Variants in SLC35D4 observed in about 807,000 individuals in gnomAD.
SLC35D4 encodes UDP-N-acetylglucosamine transporter SLC35D4.
At chr18:23,248,538 TAA>T in the SLC35D4 span, among the ~76,000 whole-genome samples, 8 of 93,610 alleles carry the variant, frequency 8.5e-5, no homozygotes, top group African/African-American at 2.8e-4. Context: ...TTTTTTTTTT[TAA>T]AAAAAGGCTG....
At chr18:23,241,244 C>T in the SLC35D4 span, among the ~76,000 whole-genome samples, 4 of 151,910 alleles carry the variant, frequency 2.6e-5, no homozygotes, top group South Asian at 4.2e-4. Flanking sequence ...GAGTGGGCCA[C>T]GTGCAGTGGA....
the SLC35D4 span, among the ~76,000 whole-genome samples, chr18:23,305,039 T>A: frequency 6.6e-6 from 1 of 152,250 alleles, no homozygotes; most frequent in South Asian, 2.1e-4. Context: ...TATTTCTTAA[T>A]GGTTTCCACA....
the SLC35D4 span, among the ~76,000 whole-genome samples, chr18:23,429,066 C>T: frequency 6.6e-6 from 1 of 152,178 alleles, no homozygotes; most frequent in African/African-American, 2.4e-5. Flanking sequence ...TATATATACA[C>T]CAGATTTTCT....
chr18:23,385,205 C>A, the SLC35D4 span: 9 of 713,576 alleles, frequency 1.3e-5, no homozygotes, highest in African/African-American at 1.6e-4. Context: ...GCAAAGACTT[C>A]TACATGGATT....
chr18:23,414,924 G>A, the SLC35D4 span, among the ~76,000 whole-genome samples: 1 of 152,118 alleles, frequency 6.6e-6, no homozygotes, highest in African/African-American at 2.4e-5. Flanking sequence ...ACCTACCTGG[G>A]CAACATAGTG....
chr18:23,276,968 T>C, the SLC35D4 span, among the ~76,000 whole-genome samples: 13 of 152,348 alleles, frequency 8.5e-5, no homozygotes, highest in East Asian at 9.6e-4. Flanking sequence ...ACCTGTCATC[T>C]AGTGCCATGA....
the SLC35D4 span, chr18:23,370,282 A>G: frequency 1.2e-6 from 2 of 1,612,230 alleles, no homozygotes; most frequent in Non-Finnish European, 1.7e-6. Context: ...AATAAAACAT[A>G]TCACTGGTCA....
chr18:23,418,832 C>A, the SLC35D4 span, among the ~76,000 whole-genome samples: 7 of 151,556 alleles, frequency 4.6e-5, no homozygotes, highest in African/African-American at 1.5e-4. Context: ...GTGGTTAAAC[C>A]CCGTCTCTAC....
At chr18:23,390,010 A>C in the SLC35D4 span, among the ~76,000 whole-genome samples, 2 of 152,220 alleles carry the variant, frequency 1.3e-5, no homozygotes, top group African/African-American at 4.8e-5. Context: ...TTGTTAAATC[A>C]AACAAAAATG....
the SLC35D4 span, among the ~76,000 whole-genome samples, chr18:23,266,218 G>A: frequency 1.3e-5 from 2 of 152,152 alleles, no homozygotes; most frequent in Admixed American, 1.3e-4. Flanking sequence ...AGGTTCCAGA[G>A]CTAGGCAGAC....
chr18:23,304,901 C>A, the SLC35D4 span, among the ~76,000 whole-genome samples: 1 of 152,224 alleles, frequency 6.6e-6, no homozygotes, highest in South Asian at 2.1e-4. Flanking sequence ...CCAAACACTC[C>A]TGGCCTCTCT....
chr18:23,286,892 T>C, the SLC35D4 span, among the ~76,000 whole-genome samples: 2 of 151,648 alleles, frequency 1.3e-5, no homozygotes, highest in East Asian at 3.9e-4. Context: ...CCGCCCTTCT[T>C]CCCAATCCAA....
At chr18:23,403,398 C>T in the SLC35D4 span, among the ~76,000 whole-genome samples, 2 of 152,148 alleles carry the variant, frequency 1.3e-5, no homozygotes, top group Non-Finnish European at 2.9e-5. Context: ...ATATACGTGA[C>T]GTTTGAGAGG....
At chr18:23,418,378 TTATTA>T in the SLC35D4 span, among the ~76,000 whole-genome samples, 1 of 148,838 alleles carries the variant, frequency 6.7e-6, no homozygotes, top group East Asian at 2.0e-4. Flanking sequence ...ATTATTATTA[TTATTA>T]TTTTTTGAGA....
chr18:23,330,645 C>T, the SLC35D4 span, among the ~76,000 whole-genome samples: 1 of 152,212 alleles, frequency 6.6e-6, no homozygotes, highest in Admixed American at 6.5e-5. Flanking sequence ...TGCAGGTGTC[C>T]CTAAGGTGCA....
At chr18:23,347,246 G>T in the SLC35D4 span, among the ~76,000 whole-genome samples, 1 of 151,850 alleles carries the variant, frequency 6.6e-6, no homozygotes, top group South Asian at 2.1e-4. Context: ...TTCCTTATTT[G>T]TTCCTTTCTG....
At chr18:23,265,970 C>A in the SLC35D4 span, among the ~76,000 whole-genome samples, 1 of 152,102 alleles carries the variant, frequency 6.6e-6, no homozygotes, top group East Asian at 1.9e-4. Flanking sequence ...AATCAATTTT[C>A]ATTTTTATTT....
the SLC35D4 span, among the ~76,000 whole-genome samples, chr18:23,418,386 T>TTATTATTATTATTATTA: frequency 1.5e-3 from 174 of 113,702 alleles, no homozygotes; most frequent in African/African-American, 5.2e-3. Context: ...TATTATTATT[T>TTATTATTATTATTATTA]TTTGAGACAG....
At chr18:23,318,476 T>C in the SLC35D4 span, among the ~76,000 whole-genome samples, 1 of 152,232 alleles carries the variant, frequency 6.6e-6, no homozygotes, top group African/African-American at 2.4e-5. Context: ...GTATGTGCCA[T>C]GGTCATATTT....
Sources: gnomAD v4.1 joint callset for allele counts (sites outside exome capture counted in the v4.1 genomes callset) on GRCh38, gnomAD v4.1.1 for gene constraint, MANE v1.5 for transcripts, NCBI Gene and HGNC (gene_info 2026-07-23, HGNC 2026-07-21) for gene names.